Variants in ACADSB observed in about 807,000 individuals in gnomAD.
ACADSB encodes short/branched chain specific acyl-CoA dehydrogenase, mitochondrial.
ACADSB carries 40 observed loss-of-function variants against 54.1 expected under a neutral mutation model. The observed-to-expected ratio is 0.74, with a 90% CI of 0.57 to 0.96. The LOEUF (loss-of-function observed/expected upper bound fraction) is 0.96, where lower values mean the gene tolerates loss of function less well. ACADSB is among the 40% of genes least tolerant of loss of function. The pLI is 0.00. For missense variants in ACADSB, 530 were observed against 510.4 expected, an observed-to-expected ratio of 1.04 and a Z score of -0.37; for synonymous variants, 182 against 182.8, an observed-to-expected ratio of 1.00 and a Z score of 0.03.
rs768222700 is a variant in ACADSB, at chr10:123,053,740, C to T, written c.1274C>T (p.Ala425Val). The T allele has an allele frequency of 1.9e-6, 3 of 1,614,042 alleles. No individual in the cohort carries two copies. In the Admixed American group the frequency reaches 5.0e-5, roughly 27 times the overall value. ...TCCAACATCCAGTTGAACACCATTG[C>T]AAAGCATATCGATGCAGAATACTGA... ...GASNIQLNTI[A>V]KHIDAEY Residue 425 changes from alanine to valine, a missense_variant, in exon 11 of 11, where the codon GCA (alanine) becomes GTA (valine). By Grantham distance (64) the Ala-to-Val change is moderately conservative (BLOSUM62 0). Coordinates refer to ENST00000358776, the MANE Select transcript of ACADSB (RefSeq NM_001609.4).
At chr10:123,031,596 G>GGAAAA (rs1850327845) in intron 1 of ACADSB, among the ~76,000 whole-genome samples, 1 of 152,058 alleles carries the variant, frequency 6.6e-6, no homozygotes, top group African/African-American at 2.4e-5. Flanking sequence ...TCAAAGGCCA[G>GGAAAA]GAAAAGAAAA....
At chr10:123,026,791 A>G (rs555295417) in intron 1 of ACADSB, among the ~76,000 whole-genome samples, 4 of 152,200 alleles carry the variant, frequency 2.6e-5, no homozygotes, top group African/African-American at 9.6e-5. Flanking sequence ...GGACAGGGAG[A>G]AAAATAAGAA....
chr10:123,052,069 C>T lies in ACADSB; in HGVS notation c.1128+883C>T, dbSNP rs1271483476. Among the ~76,000 whole-genome samples, 4 of 152,190 alleles carry T rather than the reference C, an allele frequency of 2.6e-5. No individual in the cohort carries two copies. Among genetic ancestry groups the T allele is most frequent in the Non-Finnish European group, 5.9e-5 (4 of 68,022 alleles). On this transcript the variant is annotated intron_variant, in intron 9 of 10. Coordinates refer to ENST00000358776, the MANE Select transcript of ACADSB (RefSeq NM_001609.4). This position sits in a 1 kb window ranked among gnomAD's most constrained non-coding sequence, Gnocchi z 4.2. Reference sequence around the variant, plus strand: ...CTCCCATCCAGCCTCTCTCCTTTTTCAAAGTGGCAGTGAGGCCATGTCACC... The same window carrying T: ...CTCCCATCCAGCCTCTCTCCTTTTTTAAAGTGGCAGTGAGGCCATGTCACC...
chr10:123,021,507 C>T (rs1181481345), intron 1 of ACADSB, among the ~76,000 whole-genome samples: 1 of 152,210 alleles, frequency 6.6e-6, no homozygotes, highest in Non-Finnish European at 1.5e-5. Context: ...TCCTTTAACC[C>T]TCTAAACTAG....
rs375273546 is a variant in ACADSB at position 123,053,012 on chromosome 10, T to C, written c.1129-49T>C. On this transcript the variant is annotated intron_variant, in intron 9 of 10. Transcript: ENST00000358776. ...AAATGTTACCCAGAAGTGTTTATCATGTATAAGTTATGTGGTTTCAGTGTG... is the reference window on the plus strand; with the variant it reads ...AAATGTTACCCAGAAGTGTTTATCACGTATAAGTTATGTGGTTTCAGTGTG... The C allele has an allele frequency of 7.7e-6, 11 of 1,421,386 alleles. No homozygotes were observed. In the South Asian group the frequency reaches 1.3e-4, roughly 16 times the overall value. 88.0% of individuals were successfully genotyped at this position (1,421,386 alleles called of 1,614,324 possible).
chr10:123,032,132 A>G (rs945160003), intron 1 of ACADSB, among the ~76,000 whole-genome samples: 1 of 151,922 alleles, frequency 6.6e-6, no homozygotes, highest in East Asian at 1.9e-4. Flanking sequence ...GTTGCCTGCC[A>G]CCGCACCTAG....
intron 1 of ACADSB, among the ~76,000 whole-genome samples, chr10:123,012,797 A>G (rs1212748090): frequency 6.6e-6 from 1 of 152,114 alleles, no homozygotes; most frequent in Non-Finnish European, 1.5e-5. Context: ...TATTGCAAAG[A>G]GCTAAAGAAC....
At chr10:123,009,741 T>G (rs191052352) in intron 1 of ACADSB, among the ~76,000 whole-genome samples, 11 of 152,336 alleles carry the variant, frequency 7.2e-5, no homozygotes, top group Non-Finnish European at 1.2e-4. Flanking sequence ...AGCCTCTTGT[T>G]GTGCTTAATT....
At chr10:123,044,273 C>T (rs549202834) in intron 6 of ACADSB, 120 bp from the exon 7 acceptor site, 43 of 838,956 alleles carry the variant, frequency 5.1e-5, no homozygotes, top group Non-Finnish European at 3.6e-5. Context: ...ACACAGATGC[C>T]GGCAAGTTCT....
Position 123,041,353 on chromosome 10 carries a change from G to T in ACADSB, c.655G>T (p.Val219Leu). 1 of 1,614,184 alleles carries T rather than the reference G, an allele frequency of 6.2e-7. No individual in the cohort carries two copies. The highest frequency in any genetic ancestry group is 1.1e-5 in the South Asian group (1 of 91,082). ...SSAEHAGLFL[V>L]MANVDPTIGY... ...TGCTGAGCACGCAGGGCTCTTTCTGGTGATGGCAAATGTAGACCCTACCAT... is the reference window on the plus strand; with the variant it reads ...TGCTGAGCACGCAGGGCTCTTTCTGTTGATGGCAAATGTAGACCCTACCAT... The change falls in exon 5 of 11, where the codon GTG becomes TTG. Residue 219 changes from valine to leucine, a missense_variant. By Grantham distance (32) the Val-to-Leu change is conservative. Transcript: ENST00000358776.
chr10:123,055,687 G>T lies in ACADSB; in HGVS notation c.*1922G>T, dbSNP rs1316052561. ...TAGTTACTTCCTAGATACAATGGGG[G>T]TACAGGTATTGGGTAAATACAGCCA... On this transcript the variant is annotated 3_prime_UTR_variant, in exon 11 of 11. Coordinates refer to ENST00000358776, the MANE Select transcript of ACADSB (RefSeq NM_001609.4). 1.3e-5 allele frequency: 2 copies of T among 152,136 alleles called. No homozygotes were observed. Among genetic ancestry groups the T allele is most frequent in the African/African-American group, 4.8e-5 (2 of 41,412 alleles). 9.4% of individuals were successfully genotyped at this position (152,136 alleles called of 1,614,324 possible). A position where few individuals can be genotyped will look rare whatever the true frequency, so the allele number is the denominator to read the frequency against.
intron 8 of ACADSB, among the ~76,000 whole-genome samples, chr10:123,048,025 G>A (rs960448446): frequency 6.6e-6 from 1 of 152,186 alleles, no homozygotes; most frequent in African/African-American, 2.4e-5. Flanking sequence ...TCTTGCCAGG[G>A]TGGGGGCAGC....
chr10:123,027,898 A>C (rs1850276218), intron 1 of ACADSB, among the ~76,000 whole-genome samples: 1 of 152,182 alleles, frequency 6.6e-6, no homozygotes, highest in African/African-American at 2.4e-5. Context: ...TTGATCCTGC[A>C]ATGAGTTGAT....
Position 123,057,923 on chromosome 10 carries a change from G to C in ACADSB, c.*4158G>C, listed in dbSNP as rs1049632840. The C allele has an allele frequency of 1.3e-5, 2 of 152,102 alleles. No homozygotes were observed. The highest frequency in any genetic ancestry group is 4.8e-5 in the African/African-American group (2 of 41,400). 9.4% of individuals were successfully genotyped at this position (152,102 alleles called of 1,614,324 possible). Reference sequence around the variant, plus strand: ...TCGACAAATTTTGGATTTCATTCTTGTTATATTTCAGTACTCTTGCTGATT... The same window carrying C: ...TCGACAAATTTTGGATTTCATTCTTCTTATATTTCAGTACTCTTGCTGATT... On this transcript the variant is annotated 3_prime_UTR_variant, in exon 11 of 11. Coordinates refer to ENST00000358776, the MANE Select transcript of ACADSB (RefSeq NM_001609.4).
intron 8 of ACADSB, among the ~76,000 whole-genome samples, chr10:123,049,276 T>C (rs1212013097): frequency 2.0e-5 from 3 of 152,232 alleles, no homozygotes; most frequent in Non-Finnish European, 4.4e-5. Context: ...TCCTTGAGGG[T>C]AGAGACCAGC....
chr10:123,023,173 A>G (rs528562410), intron 1 of ACADSB, among the ~76,000 whole-genome samples: 1 of 152,326 alleles, frequency 6.6e-6, no homozygotes, highest in South Asian at 2.1e-4. Context: ...ATGCAAACGA[A>G]GATCATTTTG....
intron 8 of ACADSB, among the ~76,000 whole-genome samples, chr10:123,047,623 T>G (rs1850577802): frequency 6.6e-6 from 1 of 152,188 alleles, no homozygotes; most frequent in Non-Finnish European, 1.5e-5. Context: ...TTCTTTCACT[T>G]ACCAGCTTTA....
chr10:123,038,123 T>C (rs1850423952), intron 3 of ACADSB, among the ~76,000 whole-genome samples: 1 of 152,188 alleles, frequency 6.6e-6, no homozygotes, highest in Non-Finnish European at 1.5e-5. Flanking sequence ...AGTTTTGCCC[T>C]CCAGGGGACA....
At position 123,039,604 on chromosome 10, in the gene ACADSB, C is replaced by T. The variant is rs180683321; in HGVS notation, c.304-862C>T. 2.6e-4 allele frequency among the ~76,000 whole-genome samples: 40 copies of T among 152,208 alleles called. No homozygotes were observed. The East Asian group carries it at 6.0e-3, about 23-fold the overall frequency. ...TAACCATCCTGAACTTATGAAGTGGCGTAAAAGGAATGGTCATTCAATTAT... is the reference window on the plus strand; with the variant it reads ...TAACCATCCTGAACTTATGAAGTGGTGTAAAAGGAATGGTCATTCAATTAT... On this transcript the variant is annotated intron_variant, in intron 3 of 10. Coordinates refer to ENST00000358776, the MANE Select transcript of ACADSB (RefSeq NM_001609.4).
Sources: allele counts gnomAD v4.1 joint callset (sites outside exome capture counted in the v4.1 genomes callset), GRCh38; gene constraint gnomAD v4.1.1; non-coding constraint Gnocchi (gnomAD v3.1); transcripts MANE v1.5; gene names NCBI Gene and HGNC (gene_info 2026-07-23, HGNC 2026-07-21).